DNAJB6: variants seen among roughly 807,000 people sequenced by gnomAD.
DNAJB6 encodes the protein dnaJ homolog subfamily B member 6.
A neutral mutation model predicts 42.7 loss-of-function variants in DNAJB6; 16 were observed. The ratio of observed to expected loss-of-function variants is 0.37; its 90% CI spans 0.25 to 0.57. The LOEUF is 0.57. Ranked by LOEUF, DNAJB6 falls within the 20% of genes least tolerant of loss-of-function variation. The probability of loss-of-function intolerance (pLI) is 0.74; values close to 1 mark genes in which losing one functional copy is unlikely to be tolerated. For synonymous variants in DNAJB6, 170 were observed against 163.5 expected, an observed-to-expected ratio of 1.04 and a Z score of -0.30; for missense variants, 347 against 416.8, an observed-to-expected ratio of 0.83 and a Z score of 1.46.
rs199967671 is a variant in DNAJB6, at chr7:157,384,895, C to G, written c.507C>G (p.His169Gln). ...TTACTTCATTTGGGTCACTAGGTCA[C>G]GGGGGCCTCACTTCATTCTCTTCCA... ...TGFTSFGSLG[H>Q]GGLTSFSSTS... The change falls in exon 7 of 10, where the codon CAC becomes CAG. Residue 169 changes from histidine to glutamine, a missense_variant. Coordinates refer to ENST00000262177, the MANE Select transcript of DNAJB6 (RefSeq NM_058246.4). 6.2e-7 allele frequency: 1 copy of G among 1,613,068 alleles called. No homozygotes were observed. The highest frequency in any genetic ancestry group is 8.5e-7 in the Non-Finnish European group (1 of 1,179,772).
chr7:157,361,111 TTGAC>T (rs1799562263), intron 2 of DNAJB6, among the ~76,000 whole-genome samples: 1 of 152,154 alleles, frequency 6.6e-6, no homozygotes, highest in Non-Finnish European at 1.5e-5. Context: ...TCTGTTATTT[TTGAC>T]TGAGGATTTC....
chr7:157,385,501 C>A (rs1472859439), intron 7 of DNAJB6, 40 bp from the exon 8 acceptor site: 1 of 1,600,754 alleles, frequency 6.2e-7, no homozygotes, highest in African/African-American at 1.3e-5. Flanking sequence ...CATGCATTTT[C>A]TTTACCAGAA....
intron 9 of DNAJB6, 101 bp from the exon 10 acceptor site, chr7:157,415,915 T>A: frequency 6.3e-7 from 1 of 1,594,008 alleles, no homozygotes; most frequent in Non-Finnish European, 8.6e-7. Context: ...ATTTTGTTGC[T>A]TTTTGTTCTT....
intron 8 of DNAJB6, among the ~76,000 whole-genome samples, chr7:157,403,235 G>A (rs1795605657): frequency 1.3e-5 from 2 of 152,312 alleles, no homozygotes; most frequent in South Asian, 2.1e-4. Flanking sequence ...GAAGGGCCAC[G>A]TGTGCCTTAG....
At chr7:157,340,998 G>GTGTGTGTGTGTGCGCGCGCGCGCT (rs67210462) in intron 1 of DNAJB6, among the ~76,000 whole-genome samples, 5 of 135,046 alleles carry the variant, frequency 3.7e-5, no homozygotes, top group East Asian at 2.1e-4. Flanking sequence ...GTGTGTGTGT[G>GTGTGTGTGTGTGCGCGCGCGCGCT]CGCGCGCGCA....
intron 1 of DNAJB6, among the ~76,000 whole-genome samples, chr7:157,338,150 C>G (rs993495837): frequency 6.6e-6 from 1 of 152,126 alleles, no homozygotes; most frequent in Non-Finnish European, 1.5e-5. Context: ...AGAGTGAAGA[C>G]CGAAGAAAGG....
At chr7:157,384,420 G>C (rs982462489) in intron 6 of DNAJB6, among the ~76,000 whole-genome samples, 24 of 152,202 alleles carry the variant, frequency 1.6e-4, no homozygotes, top group Admixed American at 3.3e-4. Flanking sequence ...ATCACAGTCT[G>C]TGGAGTTTAC....
intron 8 of DNAJB6, among the ~76,000 whole-genome samples, chr7:157,407,791 C>T (rs377118478): frequency 2.2e-4 from 33 of 152,220 alleles, no homozygotes; most frequent in Admixed American, 9.2e-4. Context: ...CCATGTGTCC[C>T]GCTCTCTTGC....
At chr7:157,410,811 G>A (rs1795946647) in intron 9 of DNAJB6, 1 of 152,272 alleles carries the variant, frequency 6.6e-6, no homozygotes, top group Non-Finnish European at 1.5e-5. Flanking sequence ...GGTTACTTCT[G>A]TGGACTTGGG....
At chr7:157,389,127 TGAG>T (rs1370226772) in intron 8 of DNAJB6, among the ~76,000 whole-genome samples, 1 of 152,188 alleles carries the variant, frequency 6.6e-6, no homozygotes, top group Non-Finnish European at 1.5e-5. Context: ...TGGAAACGCT[TGAG>T]GAACACTGTG....
At chr7:157,401,260 C>T (rs1563148530) in intron 8 of DNAJB6, among the ~76,000 whole-genome samples, 1 of 152,000 alleles carries the variant, frequency 6.6e-6, no homozygotes, top group African/African-American at 2.4e-5. Context: ...ACTCTGTTGC[C>T]TAGCCTGGAG....
intron 6 of DNAJB6, among the ~76,000 whole-genome samples, chr7:157,384,653 G>A (rs936741582): frequency 1.3e-5 from 2 of 152,174 alleles, no homozygotes; most frequent in African/African-American, 4.8e-5. Context: ...GCACTCTCGC[G>A]TTGCCCTAGA....
intron 5 of DNAJB6, among the ~76,000 whole-genome samples, chr7:157,374,818 T>C (rs1226122562): frequency 6.6e-6 from 1 of 152,224 alleles, no homozygotes; most frequent in Admixed American, 6.5e-5. Flanking sequence ...GCAGTGTTTC[T>C]GTGGTGTTTC....
chr7:157,410,165 C>G (rs956018373), intron 9 of DNAJB6, 164 bp downstream of exon 9: 4 of 1,395,360 alleles, frequency 2.9e-6, no homozygotes, highest in Admixed American at 3.2e-5. Flanking sequence ...GCTCCTCTCC[C>G]GCTCGCGGCG....
intron 9 of DNAJB6, chr7:157,415,128 C>G (rs1431932145): frequency 6.6e-6 from 1 of 152,272 alleles, no homozygotes; most frequent in Admixed American, 6.5e-5. Context: ...CAGGCCTGCC[C>G]TGCCTGCTGC....
chr7:157,393,000 T>TG (rs1801419361), intron 8 of DNAJB6, among the ~76,000 whole-genome samples: 1 of 152,162 alleles, frequency 6.6e-6, no homozygotes, highest in Non-Finnish European at 1.5e-5. Context: ...GGCAGTGTCT[T>TG]GCTGTGTCGC....
At chr7:157,353,227 C>T (rs1799089785) in intron 1 of DNAJB6, among the ~76,000 whole-genome samples, 1 of 151,742 alleles carries the variant, frequency 6.6e-6, no homozygotes, top group African/African-American at 2.4e-5. Flanking sequence ...CGCACCCGGT[C>T]CAGTTTGGTT....
chr7:157,395,361 C>T (rs1034290336), intron 8 of DNAJB6, among the ~76,000 whole-genome samples: 2 of 152,206 alleles, frequency 1.3e-5, no homozygotes, highest in African/African-American at 4.8e-5. Flanking sequence ...TCTAGTTCTG[C>T]TTTTGTCTGT....
rs2116995963 is a variant in DNAJB6 at position 157,367,494 on chromosome 7, C to T, written c.346+11C>T. On this transcript the variant is annotated intron_variant, in intron 5 of 9. Coordinates refer to ENST00000262177, the MANE Select transcript of DNAJB6 (RefSeq NM_058246.4). ...CATTTGACTTCTTTGGTAAGTTAAT[C>T]ACGTGGGTTGACTTGGTGTGTGTCC... 5.9e-6 allele frequency: 9 copies of T among 1,515,732 alleles called. No homozygotes were observed. Among genetic ancestry groups the T allele is most frequent in the Non-Finnish European group, 7.3e-6 (8 of 1,090,180 alleles). The allele number at this position is 1,515,732 out of a possible 1,614,324, so 93.9% of individuals were successfully genotyped here. A position where few individuals can be genotyped will look rare whatever the true frequency, so the allele number is the denominator to read the frequency against.
Sources: allele counts gnomAD v4.1 joint callset (sites outside exome capture counted in the v4.1 genomes callset), GRCh38; gene constraint gnomAD v4.1.1; transcripts MANE v1.5; gene names NCBI Gene and HGNC (gene_info 2026-07-23, HGNC 2026-07-21).